RUSC2: variants seen among roughly 807,000 people sequenced by gnomAD.
RUSC2 encodes the protein RUN and SH3 domain containing 2.
RUSC2 carries 34 observed loss-of-function variants against 122.2 expected under a neutral mutation model. That is an observed-to-expected ratio of 0.28 (90% confidence interval 0.21 to 0.37). The LOEUF is 0.37. RUSC2 is among the 10% of genes least tolerant of loss of function. The probability of loss-of-function intolerance (pLI) is 1.00; values close to 1 mark genes in which losing one functional copy is unlikely to be tolerated. For missense variants in RUSC2, 1,747 were observed against 1,952.4 expected (o/e 0.89, Z 1.98); for synonymous variants, 784 against 790.0 (o/e 0.99, Z 0.13).
rs759165903 is a variant in RUSC2, at chr9:35,547,348, G to A, written c.827G>A (p.Ser276Asn). ...MGYVSDSSCN[S>N]SDGVLVTFST... is the part of the protein sequence containing the mutation. ...TATGTGAGCGACTCCTCCTGCAACA[G>A]TTCAGATGGTGTGCTGGTCACCTTC... Residue 276 changes from serine (S) to asparagine (N), a missense_variant, in exon 2 of 12, where the codon AGT (serine) becomes AAT (asparagine). Ser to Asn is a conservative substitution (Grantham distance 46). Transcript: ENST00000361226. The surrounding 1 kb of genome is among the most constrained non-coding windows in gnomAD (Gnocchi z 4.6). The A allele has an allele frequency of 1.2e-6, 2 of 1,614,064 alleles. No individual in the cohort carries two copies. Among genetic ancestry groups the A allele is most frequent in the Admixed American group, 3.3e-5 (2 of 59,998 alleles).
Position 35,518,379 on chromosome 9 carries a change from A to C in RUSC2, c.-92-28051A>C, listed in dbSNP as rs567052332. ...GTGTGTGGTACATTTTTGTCATTCC[A>C]CAGCAGTCTGCTGTGCTCCTGGCTC... is the stretch of plus-strand genomic sequence containing the variant. On this transcript the variant is annotated intron_variant, in intron 1 of 11. Transcript: ENST00000361226. Among the ~76,000 whole-genome samples, 193 of 152,228 alleles carry C rather than the reference A, an allele frequency of 1.3e-3. 1 individual carries two copies. Among genetic ancestry groups the C allele is most frequent in the Non-Finnish European group, 1.7e-3 (116 of 68,004 alleles).
At chr9:35,529,848 C>CCTT (rs1285479329) in intron 1 of RUSC2, among the ~76,000 whole-genome samples, 5 of 152,090 alleles carry the variant, frequency 3.3e-5, no homozygotes, top group Admixed American at 2.0e-4. Flanking sequence ...TTCTTCCTTA[C>CCTT]CTTCTTCTTC....
chr9:35,533,202 G>C (rs1043519667), intron 1 of RUSC2, among the ~76,000 whole-genome samples: 2 of 150,998 alleles, frequency 1.3e-5, no homozygotes, highest in Non-Finnish European at 3.0e-5. Flanking sequence ...AGCCGAGATC[G>C]TGCCACTGCA....
At chr9:35,532,708 G>A (rs1479787742) in intron 1 of RUSC2, among the ~76,000 whole-genome samples, 5 of 151,870 alleles carry the variant, frequency 3.3e-5, no homozygotes, top group Non-Finnish European at 7.4e-5. Context: ...ATCAGCCACT[G>A]CATTCCAGCC....
rs1367605501 is a variant in RUSC2 at position 35,546,848 on chromosome 9, G to T, written c.327G>T (p.Val109=). 1 of 1,609,754 alleles carries T rather than the reference G, an allele frequency of 6.2e-7. No homozygotes were observed. The highest frequency in any genetic ancestry group is 8.5e-7 in the Non-Finnish European group (1 of 1,178,028). ...RHNPFLLQEG[V]GEPGLGDLYD... ...ACCCCTTCTTGCTGCAGGAGGGTGT[G>T]GGTGAGCCAGGACTTGGTGACCTGT... The change falls in exon 2 of 12, where the codon GTG becomes GTT. Residue 109 remains valine, a synonymous_variant. Transcript: ENST00000361226. The surrounding 1 kb of genome is among the most constrained non-coding windows in gnomAD (Gnocchi z 4.3).
intron 1 of RUSC2, among the ~76,000 whole-genome samples, chr9:35,509,106 T>G (rs1291558485): frequency 6.6e-6 from 1 of 152,088 alleles, no homozygotes; most frequent in Non-Finnish European, 1.5e-5. Flanking sequence ...TCTCAGCACT[T>G]TGGGAGGCTA....
At chr9:35,559,666 C>T (rs1311617584) in intron 9 of RUSC2, among the ~76,000 whole-genome samples, 1 of 152,134 alleles carries the variant, frequency 6.6e-6, no homozygotes, top group Non-Finnish European at 1.5e-5. Context: ...ACCTGAGAGG[C>T]AGAGGTTGCA....
intron 2 of RUSC2, 68 bp from the exon 3 acceptor site, chr9:35,554,992 T>C: frequency 6.3e-7 from 1 of 1,578,746 alleles, no homozygotes; most frequent in Non-Finnish European, 8.6e-7. Flanking sequence ...CCATCTCTGC[T>C]TCTGGGTTTT....
At chr9:35,503,343 A>G (rs140701807) in intron 1 of RUSC2, among the ~76,000 whole-genome samples, 251 of 152,322 alleles carry the variant, frequency 1.6e-3, no homozygotes, top group African/African-American at 5.8e-3. Context: ...TCCTACTATG[A>G]GTGAGAACAT....
chr9:35,560,938 T>C lies in RUSC2; in HGVS notation c.4212-22T>C, dbSNP rs370641870. ...GGCAGAGCCCATCCTGGGCAGAGCCTGAGTCCAGCTGCTGTCCCTAGGCTC... is the reference window on the plus strand; with the variant it reads ...GGCAGAGCCCATCCTGGGCAGAGCCCGAGTCCAGCTGCTGTCCCTAGGCTC... On this transcript the variant is annotated intron_variant, in intron 10 of 11. Transcript: ENST00000361226. The C allele has an allele frequency of 3.1e-6, 5 of 1,610,714 alleles. No homozygotes were observed. The African/African-American group carries it at 6.7e-5, about 22-fold the overall frequency.
At position 35,555,316 on chromosome 9, in the gene RUSC2, C is replaced by T. The variant is rs1821988531; in HGVS notation, c.2271C>T (p.Ala757=). ...SGEPQASTPR[A]TGRGARKAGS... Reference sequence around the variant, plus strand: ...AACCGCAGGCATCCACTCCCCGAGCCACTGGCAGAGGTGCCAGGAAAGCTG... The same window carrying T: ...AACCGCAGGCATCCACTCCCCGAGCTACTGGCAGAGGTGCCAGGAAAGCTG... The change falls in exon 3 of 12, where the codon GCC becomes GCT. Residue 757 remains alanine, a synonymous_variant. Transcript: ENST00000361226. The surrounding 1 kb of genome is among the most constrained non-coding windows in gnomAD (Gnocchi z 4.6). The T allele has an allele frequency of 6.2e-7, 1 of 1,614,186 alleles. No individual in the cohort carries two copies. Among genetic ancestry groups the T allele is most frequent in the Non-Finnish European group, 8.5e-7 (1 of 1,180,046 alleles).
At chr9:35,513,903 C>CATATATATATATATATATAT (rs3068511) in intron 1 of RUSC2, among the ~76,000 whole-genome samples, 53 of 104,192 alleles carry the variant, frequency 5.1e-4, no homozygotes, top group Non-Finnish European at 6.8e-4. Flanking sequence ...CTTCAACAAA[C>CATATATATATATATATATAT]ATATATATAT....
intron 2 of RUSC2, among the ~76,000 whole-genome samples, chr9:35,549,445 A>C (rs559431925): frequency 3.7e-4 from 56 of 152,308 alleles, no homozygotes; most frequent in Middle Eastern, 6.8e-3. Context: ...AGTGACAGAG[A>C]GATGAGAGGG....
At chr9:35,498,598 C>A (rs924004978) in intron 1 of RUSC2, among the ~76,000 whole-genome samples, 8 of 151,972 alleles carry the variant, frequency 5.3e-5, no homozygotes, top group African/African-American at 1.9e-4. Context: ...GTGGCTCACG[C>A]CTGTGATCCC....
intron 1 of RUSC2, among the ~76,000 whole-genome samples, chr9:35,520,882 G>A (rs1466338392): frequency 6.6e-6 from 1 of 152,022 alleles, no homozygotes; most frequent in Non-Finnish European, 1.5e-5. Context: ...TTAGCCTGTG[G>A]GCCTTACTCA....
chr9:35,514,749 CA>C lies in RUSC2; in HGVS notation c.-93+24578del, dbSNP rs565196821. Among the ~76,000 whole-genome samples the C allele has an allele frequency of 6.6e-5, 10 of 152,244 alleles. No homozygotes were observed. The East Asian group carries it at 1.9e-3, about 29-fold the overall frequency. On this transcript the variant is annotated intron_variant, in intron 1 of 11. Transcript: ENST00000361226. ...TGGGCTAGTATGGCAGCTCCACAGTCATTAGAGACCCACACCCTTTCCAGTT... is the reference window on the plus strand; with the variant it reads ...TGGGCTAGTATGGCAGCTCCACAGTCTTAGAGACCCACACCCTTTCCAGTT...
At chr9:35,495,028 A>G (rs1250677647) in intron 1 of RUSC2, among the ~76,000 whole-genome samples, 2 of 100,762 alleles carry the variant, frequency 2.0e-5, no homozygotes, top group African/African-American at 3.8e-5. Context: ...TATTTTATAT[A>G]TTATATATAC....
intron 1 of RUSC2, among the ~76,000 whole-genome samples, chr9:35,506,298 T>C (rs990917244): frequency 6.6e-6 from 1 of 152,238 alleles, no homozygotes; most frequent in Non-Finnish European, 1.5e-5. Context: ...TACATGTTAA[T>C]AAAGCTGTTA....
intron 1 of RUSC2, among the ~76,000 whole-genome samples, chr9:35,529,864 CA>C (rs1487140457): frequency 6.6e-5 from 10 of 152,174 alleles, no homozygotes; most frequent in African/African-American, 2.4e-4. Context: ...TCTTCTTCAT[CA>C]AATATGCTGT....
Sources: gnomAD v4.1 joint callset for allele counts (sites outside exome capture counted in the v4.1 genomes callset) on GRCh38, gnomAD v4.1.1 for gene constraint, Gnocchi (gnomAD v3.1) non-coding constraint, MANE v1.5 for transcripts, NCBI Gene and HGNC (gene_info 2026-07-23, HGNC 2026-07-21) for gene names.